TFAP2B: variants seen among roughly 807,000 people sequenced by gnomAD.
TFAP2B encodes transcription factor AP-2 beta.
Under a neutral mutation model 44.3 loss-of-function variants are expected in TFAP2B, and 9 were observed. The observed-to-expected ratio is 0.20, with a 90% CI of 0.12 to 0.35. The LOEUF is 0.35. TFAP2B is among the 10% of genes least tolerant of loss of function. The pLI, the probability that TFAP2B is intolerant of heterozygous loss-of-function variation, is 1.00. For missense variants in TFAP2B, 509 were observed against 600.0 expected, an observed-to-expected ratio of 0.85 and a Z score of 1.59; for synonymous variants, 270 against 263.8, an observed-to-expected ratio of 1.02 and a Z score of -0.23.
At position 50,836,359 on chromosome 6, in the gene TFAP2B, G is replaced by A. The variant is rs528880872; in HGVS notation, c.821+79G>A. 1.4e-5 allele frequency: 18 copies of A among 1,274,080 alleles called. No homozygotes were observed. The South Asian group carries it at 1.8e-4, about 12-fold the overall frequency. 78.9% of individuals were successfully genotyped at this position (1,274,080 alleles called of 1,614,324 possible). A position where few individuals can be genotyped will look rare whatever the true frequency, so the allele number is the denominator to read the frequency against. ...CCAGTTTTTATTTATTGGACAGTGA[G>A]GAGAAGGTTCCAGCAAAACCCAATC... On this transcript the variant is annotated intron_variant, in intron 4 of 6. Transcript: ENST00000393655.
rs1037451299 is a variant in TFAP2B, at chr6:50,843,611, T to A, written c.*219T>A. Reference sequence around the variant, plus strand: ...TCGGTTCTCAGTGTCTATTTCAAGATACATTTGGAGACAACCGTCCGGATT... The same window carrying A: ...TCGGTTCTCAGTGTCTATTTCAAGAAACATTTGGAGACAACCGTCCGGATT... On this transcript the variant is annotated 3_prime_UTR_variant, in exon 7 of 7. Coordinates refer to ENST00000393655, the MANE Select transcript of TFAP2B (RefSeq NM_003221.4). 1 of 561,520 alleles carries A rather than the reference T, an allele frequency of 1.8e-6. No individual in the cohort carries two copies. Among genetic ancestry groups the A allele is most frequent in the African/African-American group, 1.9e-5 (1 of 52,952 alleles). 34.8% of individuals were successfully genotyped at this position (561,520 alleles called of 1,614,324 possible).
intron 5 of TFAP2B, among the ~76,000 whole-genome samples, chr6:50,839,578 C>T (rs1762684479): frequency 6.6e-6 from 1 of 152,134 alleles, no homozygotes; most frequent in South Asian, 2.1e-4. Context: ...TGACAGGAAC[C>T]TCTGAAGGGG....
At chr6:50,837,791 C>A (rs1201939106) in intron 4 of TFAP2B, among the ~76,000 whole-genome samples, 184 bp from the exon 5 acceptor site, 1 of 151,982 alleles carries the variant, frequency 6.6e-6, no homozygotes, top group Admixed American at 6.6e-5. Context: ...AAAAAATTCT[C>A]TGTATTGCAG....
upstream of TFAP2B, among the ~76,000 whole-genome samples, chr6:50,818,473 A>G (rs967454623): frequency 5.3e-5 from 8 of 152,202 alleles, no homozygotes; most frequent in African/African-American, 1.7e-4. Context: ...GTTTCTCATT[A>G]TGAATTGCAA....
intron 6 of TFAP2B, among the ~76,000 whole-genome samples, chr6:50,840,569 G>C (rs960078674): frequency 3.3e-5 from 5 of 152,124 alleles, no homozygotes; most frequent in Admixed American, 6.5e-5. Flanking sequence ...CTTTTCTGAG[G>C]GAGTTCTTGT....
At chr6:50,830,404 G>A (rs1770641992) in intron 3 of TFAP2B, 1 of 615,030 alleles carries the variant, frequency 1.6e-6, no homozygotes, top group Non-Finnish European at 2.0e-6. Flanking sequence ...GTTTGTCAGT[G>A]AAATGTGAAT....
At chr6:50,831,460 G>C (rs1045862721) in intron 3 of TFAP2B, among the ~76,000 whole-genome samples, 5 of 152,134 alleles carry the variant, frequency 3.3e-5, no homozygotes. Context: ...GCGGGAGTGG[G>C]CGGGGGGAGT....
Position 50,847,270 on chromosome 6 carries a change from G to T in TFAP2B, c.*3878G>T, listed in dbSNP as rs1442059889. 6.6e-6 allele frequency: 1 copy of T among 152,430 alleles called. No individual in the cohort carries two copies. The highest frequency in any genetic ancestry group is 2.4e-5 in the African/African-American group (1 of 41,364). The allele number at this position is 152,430 out of a possible 1,614,324, so 9.4% of individuals were successfully genotyped here. ...CAAAATCGACTCCACCTTTGAGTTG[G>T]TCTCTAATTCTCTAACATTGTTTTT... On this transcript the variant is annotated 3_prime_UTR_variant, in exon 7 of 7. Coordinates refer to ENST00000393655, the MANE Select transcript of TFAP2B (RefSeq NM_003221.4).
chr6:50,828,539 C>T, intron 2 of TFAP2B, 80 bp from the exon 3 acceptor site: 1 of 1,261,410 alleles, frequency 7.9e-7, no homozygotes, highest in East Asian at 2.3e-5. Flanking sequence ...AACAGAAACT[C>T]CAGTTTGGAA....
At chr6:50,822,219 G>A (rs1271715238) in intron 1 of TFAP2B, 25 of 1,230,086 alleles carry the variant, frequency 2.0e-5, no homozygotes, top group African/African-American at 3.1e-5. Flanking sequence ...CTGTCTCTCT[G>A]TCTCTGCGTC....
chr6:50,826,445 AT>A (rs1403335837), intron 2 of TFAP2B, among the ~76,000 whole-genome samples: 1 of 152,078 alleles, frequency 6.6e-6, no homozygotes, highest in African/African-American at 2.4e-5. Flanking sequence ...TGCTTCTAAT[AT>A]TTTTTTAAAT....
intron 6 of TFAP2B, among the ~76,000 whole-genome samples, chr6:50,840,630 T>C (rs1383301428): frequency 3.3e-5 from 5 of 152,166 alleles, no homozygotes. Context: ...GGGTTTCACA[T>C]CTATCTCTCT....
At chr6:50,838,539 C>T (rs1762666753) in intron 5 of TFAP2B, among the ~76,000 whole-genome samples, 1 of 152,168 alleles carries the variant, frequency 6.6e-6, no homozygotes, top group Admixed American at 6.5e-5. Flanking sequence ...AGGGCCAAAT[C>T]TGCAGATTAC....
intron 3 of TFAP2B, among the ~76,000 whole-genome samples, chr6:50,835,510 A>G (rs1413388713): frequency 6.6e-6 from 1 of 152,152 alleles, no homozygotes; most frequent in Non-Finnish European, 1.5e-5. Flanking sequence ...ATAGTATCTG[A>G]TGGGGTCCAC....
chr6:50,835,208 C>A (rs1762596023), intron 3 of TFAP2B, among the ~76,000 whole-genome samples: 1 of 152,226 alleles, frequency 6.6e-6, no homozygotes, highest in South Asian at 2.1e-4. Flanking sequence ...CGAAAAGAAA[C>A]AACTGGGGCA....
chr6:50,828,769 T>C (rs1170368057), intron 3 of TFAP2B, 90 bp downstream of exon 3: 2 of 1,412,278 alleles, frequency 1.4e-6, no homozygotes, highest in Non-Finnish European at 2.0e-6. Flanking sequence ...AATTCATTAT[T>C]TGACAAGACA....
chr6:50,826,564 TGAGCGCGCGC>T (rs1490950728), intron 2 of TFAP2B, among the ~76,000 whole-genome samples: 1 of 146,468 alleles, frequency 6.8e-6, no homozygotes, highest in African/African-American at 2.6e-5. Context: ...CCATTGTGCA[TGAGCGCGCGC>T]GCGCGCGCGC....
intron 1 of TFAP2B, among the ~76,000 whole-genome samples, chr6:50,823,022 A>G (rs1770397656): frequency 6.6e-6 from 1 of 152,226 alleles, no homozygotes; most frequent in Admixed American, 6.5e-5. Context: ...AGCAAACACC[A>G]TATGTAAGAC....
chr6:50,826,738 T>C (rs1770519632), intron 2 of TFAP2B, among the ~76,000 whole-genome samples: 1 of 151,984 alleles, frequency 6.6e-6, no homozygotes, highest in African/African-American at 2.4e-5. Context: ...CCACCTTTGC[T>C]CTCTTACCTC....
Sources: gnomAD v4.1 joint callset for allele counts (sites outside exome capture counted in the v4.1 genomes callset) on GRCh38, gnomAD v4.1.1 for gene constraint, MANE v1.5 for transcripts, NCBI Gene and HGNC (gene_info 2026-07-23, HGNC 2026-07-21) for gene names.